The following MAGI2 variants were observed in gnomAD, a reference collection of about 807,000 sequenced individuals.
MAGI2 encodes the protein membrane associated guanylate kinase, WW and PDZ domain containing 2, also known as membrane-associated guanylate kinase, WW and PDZ domain-containing protein 2.
A neutral mutation model predicts 133.3 loss-of-function variants in MAGI2; 35 were observed. The ratio of observed to expected loss-of-function variants is 0.26; its 90% CI spans 0.20 to 0.35. The LOEUF is 0.35. MAGI2 is among the 10% of genes least tolerant of loss of function. The pLI, the probability that MAGI2 is intolerant of heterozygous loss-of-function variation, is 1.00. For missense variants in MAGI2, 1,636 were observed against 1,863.4 expected (o/e 0.88, Z 2.25); for synonymous variants, 729 against 710.6 (o/e 1.03, Z -0.41).
At chr7:78,524,967 G>C (rs947285659) in intron 3 of MAGI2, among the ~76,000 whole-genome samples, 5 of 148,412 alleles carry the variant, frequency 3.4e-5, no homozygotes, top group African/African-American at 1.2e-4. Context: ...TTCCCTATTT[G>C]TCTTGTCAAT....
chr7:79,057,212 T>G (rs1005283566), intron 1 of MAGI2, among the ~76,000 whole-genome samples: 17 of 152,168 alleles, frequency 1.1e-4, no homozygotes, highest in Non-Finnish European at 2.4e-4. Context: ...TTAAAGGTCC[T>G]TTAGAGATGA....
At chr7:78,886,902 C>T (rs932871334) in intron 2 of MAGI2, among the ~76,000 whole-genome samples, 2 of 152,120 alleles carry the variant, frequency 1.3e-5, no homozygotes, top group Non-Finnish European at 2.9e-5. Context: ...GTAACTGAAT[C>T]ATGGGGGGAG....
intron 14 of MAGI2, among the ~76,000 whole-genome samples, chr7:78,177,447 GACACACACACACAT>G (rs1563220422): frequency 7.2e-6 from 1 of 139,264 alleles, no homozygotes; most frequent in African/African-American, 2.8e-5. Context: ...CACACACACA[GACACACACACACAT>G]ACACACACAC....
At chr7:79,161,130 G>C (rs1824310486) in intron 1 of MAGI2, among the ~76,000 whole-genome samples, 1 of 151,912 alleles carries the variant, frequency 6.6e-6, no homozygotes, top group African/African-American at 2.4e-5. Flanking sequence ...CTTTACATAA[G>C]GTAGTTGTAA....
rs114898845 is a variant in MAGI2, at chr7:79,108,046, A to G, written c.302-100840T>C. On this transcript the variant is annotated intron_variant, in intron 1 of 21. Transcript: ENST00000354212. ...AGGTAAAATACCTGATATGACTAAG[A>G]AGTTTCAAAGAAATAGAGCAATTCT... Among the ~76,000 whole-genome samples, 1,049 of 152,326 alleles carry G rather than the reference A, an allele frequency of 6.9e-3. 14 individuals are homozygous for G. The highest frequency in any genetic ancestry group is 0.024 in the African/African-American group (988 of 41,562).
At chr7:78,346,156 C>CA in intron 7 of MAGI2, 113 bp from the exon 8 acceptor site, 1 of 1,201,244 alleles carries the variant, frequency 8.3e-7, no homozygotes, top group South Asian at 1.4e-5. Context: ...TGATTACAGT[C>CA]AAGTGCCTCA....
At chr7:78,607,031 C>G (rs183459656) in intron 3 of MAGI2, among the ~76,000 whole-genome samples, 12 of 152,274 alleles carry the variant, frequency 7.9e-5, no homozygotes, top group Non-Finnish European at 1.6e-4. Flanking sequence ...TTAACAATAG[C>G]CCAAACTCCA....
chr7:78,257,889 C>T (rs1157750138), intron 9 of MAGI2, among the ~76,000 whole-genome samples: 2 of 152,176 alleles, frequency 1.3e-5, no homozygotes, highest in Non-Finnish European at 2.9e-5. Context: ...CTAGGGATTT[C>T]ATTCTGAGAC....
At chr7:78,169,063 G>A (rs928840353) in intron 14 of MAGI2, among the ~76,000 whole-genome samples, 11 of 152,296 alleles carry the variant, frequency 7.2e-5, no homozygotes, top group South Asian at 2.1e-4. Context: ...GAAGGTACCC[G>A]TCTAGGAAAT....
chr7:79,081,475 C>A (rs1432176632), intron 1 of MAGI2, among the ~76,000 whole-genome samples: 2 of 152,154 alleles, frequency 1.3e-5, no homozygotes, highest in Non-Finnish European at 1.5e-5. Context: ...TCATCACTAG[C>A]ATATGCATTG....
rs772799740 is a variant in MAGI2 at position 78,160,238 on chromosome 7, A to G, written c.2632T>C (p.Ser878Pro). Reference protein sequence around the residue: ...PCPENGRSPGSVSTHHSSPRS... With the variant: ...PCPENGRSPGPVSTHHSSPRS... ...GGAGAGCTGTGGTGGGTGGATACAG[A>G]GCCTGGACTTCTCCCGTTCTCTGGG... Residue 878 changes from serine (S) to proline (P), a missense_variant, in exon 16 of 22, where the codon TCT (serine) becomes CCT (proline). Ser to Pro is a moderately conservative substitution (Grantham distance 74). Coordinates refer to ENST00000354212, the MANE Select transcript of MAGI2 (RefSeq NM_012301.4). The G allele has an allele frequency of 6.2e-7, 1 of 1,605,356 alleles. No homozygotes were observed. Among genetic ancestry groups the G allele is most frequent in the Non-Finnish European group, 8.5e-7 (1 of 1,175,176 alleles).
chr7:78,948,304 T>C (rs537910445), intron 2 of MAGI2, among the ~76,000 whole-genome samples: 44 of 152,246 alleles, frequency 2.9e-4, no homozygotes, highest in Admixed American at 7.2e-4. Flanking sequence ...ATTTCTACTT[T>C]TTTTTTTCTT....
chr7:78,979,700 A>G (rs1294102122), intron 2 of MAGI2, among the ~76,000 whole-genome samples: 2 of 151,172 alleles, frequency 1.3e-5, no homozygotes, highest in Non-Finnish European at 2.9e-5. Context: ...GGCTCATCTG[A>G]CCAGTGTTGG....
At chr7:78,289,017 C>A (rs1182033377) in intron 9 of MAGI2, among the ~76,000 whole-genome samples, 1 of 152,150 alleles carries the variant, frequency 6.6e-6, no homozygotes, top group African/African-American at 2.4e-5. Flanking sequence ...AGCAGAAAAG[C>A]TGAAAATTCT....
chr7:78,810,010 A>C (rs542732903), intron 2 of MAGI2, among the ~76,000 whole-genome samples: 147 of 152,322 alleles, frequency 9.7e-4, no homozygotes, highest in Non-Finnish European at 1.6e-3. Context: ...CATTACTAAA[A>C]AAATATAATT....
chr7:78,355,942 C>T (rs1487810639), intron 7 of MAGI2, among the ~76,000 whole-genome samples: 3 of 152,046 alleles, frequency 2.0e-5, no homozygotes, highest in Admixed American at 6.6e-5. Context: ...TGTGTGTATG[C>T]GTTTTACATA....
intron 6 of MAGI2, among the ~76,000 whole-genome samples, chr7:78,437,971 C>T (rs1166007080): frequency 6.6e-6 from 1 of 152,036 alleles, no homozygotes; most frequent in Non-Finnish European, 1.5e-5. Context: ...TAATAAAATG[C>T]CAAAAATCAC....
At chr7:79,095,991 C>T (rs1197066578) in intron 1 of MAGI2, among the ~76,000 whole-genome samples, 1 of 152,070 alleles carries the variant, frequency 6.6e-6, no homozygotes, top group Non-Finnish European at 1.5e-5. Flanking sequence ...TGTACCTTTT[C>T]AGGATGTTGA....
intron 7 of MAGI2, among the ~76,000 whole-genome samples, chr7:78,353,187 T>C (rs976342807): frequency 1.3e-5 from 2 of 152,222 alleles, no homozygotes; most frequent in Non-Finnish European, 2.9e-5. Context: ...AGGCTTTAGC[T>C]AAAGGAAAAC....
Sources: gnomAD v4.1 joint callset for allele counts (sites outside exome capture counted in the v4.1 genomes callset) on GRCh38, gnomAD v4.1.1 for gene constraint, MANE v1.5 for transcripts, NCBI Gene and HGNC (gene_info 2026-07-23, HGNC 2026-07-21) for gene names.